Variants in BDP1 observed in about 807,000 individuals in gnomAD.
BDP1 encodes transcription factor TFIIIB component B'' homolog.
In BDP1, 169 loss-of-function variants were observed where a neutral mutation model predicts 266.6. The ratio of observed to expected loss-of-function variants is 0.63; its 90% CI spans 0.56 to 0.72. BDP1 has a LOEUF of 0.72. BDP1 is among the 30% of genes least tolerant of loss of function. The pLI, the probability that BDP1 is intolerant of heterozygous loss-of-function variation, is 0.00. For missense variants in BDP1, 3,015 were observed against 3,053.8 expected (o/e 0.99, Z 0.30); for synonymous variants, 1,090 against 1,022.4 (o/e 1.07, Z -1.26).
Position 71,564,161 on chromosome 5 carries a change from C to CTA in BDP1, c.7744-585_7744-584dup, listed in dbSNP as rs372722575. ...GGCACTTTTATCAGATGCTAAATTT[C>CTA]TATATATATTGGGGTTATTTCTAGT... On this transcript the variant is annotated intron_variant, in intron 38 of 38. Coordinates refer to ENST00000358731, the MANE Select transcript of BDP1 (RefSeq NM_018429.3). 2.4e-3 allele frequency among the ~76,000 whole-genome samples: 370 copies of CTA among 151,962 alleles called. 1 individual carries two copies. The highest frequency in any genetic ancestry group is 8.6e-3 in the African/African-American group (356 of 41,464).
At chr5:71,547,953 A>G (rs1742458701) in intron 32 of BDP1, among the ~76,000 whole-genome samples, 1 of 152,012 alleles carries the variant, frequency 6.6e-6, no homozygotes, top group African/African-American at 2.4e-5. Flanking sequence ...AGACTGTCTC[A>G]AAAAAATAAA....
chr5:71,556,990 C>T (rs965673571), intron 36 of BDP1, 65 bp downstream of exon 36: 14 of 842,026 alleles, frequency 1.7e-5, no homozygotes, highest in Non-Finnish European at 2.1e-5. Flanking sequence ...TGGGATATAC[C>T]TTGTTCAAAT....
chr5:71,501,146 C>T (rs374653407), intron 13 of BDP1, among the ~76,000 whole-genome samples: 12 of 151,868 alleles, frequency 7.9e-5, no homozygotes, highest in African/African-American at 2.4e-4. Flanking sequence ...TAGAAAATCT[C>T]CTCTAGTTAG....
At chr5:71,546,566 A>G (rs1471066168) in intron 32 of BDP1, among the ~76,000 whole-genome samples, 1 of 133,268 alleles carries the variant, frequency 7.5e-6, no homozygotes, top group Non-Finnish European at 1.6e-5. Flanking sequence ...TGCAGTGGCC[A>G]AAGATCGTGC....
intron 26 of BDP1, among the ~76,000 whole-genome samples, chr5:71,535,356 C>T (rs1052155385): frequency 3.3e-5 from 5 of 152,018 alleles, no homozygotes; most frequent in African/African-American, 4.8e-5. Context: ...AAGCGCCCGC[C>T]ACCACATCCA....
At chr5:71,519,573 T>C (rs1765394136) in intron 22 of BDP1, among the ~76,000 whole-genome samples, 1 of 152,256 alleles carries the variant, frequency 6.6e-6, no homozygotes, top group African/African-American at 2.4e-5. Flanking sequence ...TGTCTTTCTG[T>C]GCCTGGCTTA....
In BDP1 at chr5:71,510,910, CTGT is replaced by C. The variant is rs770375910; in HGVS notation, c.3824_3826del (p.Val1275del). The stretch of plus-strand genomic sequence containing the variant: ...ATGGAGAAAGTATCAGGAAAGATGG[CTGT>C]TGTTGAAGAAATGGAGGCAGATTTG... On this transcript the variant is annotated inframe_deletion, in exon 17 of 39. Transcript: ENST00000358731. 5.0e-6 allele frequency: 8 copies of C among 1,613,676 alleles called. No individual in the cohort carries two copies. Among genetic ancestry groups the C allele is most frequent in the South Asian group, 1.1e-5 (1 of 91,050 alleles).
At chr5:71,466,800 A>G (rs1761936610) in intron 5 of BDP1, among the ~76,000 whole-genome samples, 1 of 152,160 alleles carries the variant, frequency 6.6e-6, no homozygotes, top group Non-Finnish European at 1.5e-5. Context: ...AAGCAATGGA[A>G]GGTCTTTGAA....
At chr5:71,573,242 G>GAAAGA in the BDP1 span, among the ~76,000 whole-genome samples, 20 of 48,426 alleles carry the variant, frequency 4.1e-4, no homozygotes, top group Non-Finnish European at 9.2e-4. Flanking sequence ...AAAAAAAAAA[G>GAAAGA]AAAGAAAAGA....
chr5:71,518,645 G>A (rs1049354778), intron 22 of BDP1, among the ~76,000 whole-genome samples: 9 of 151,828 alleles, frequency 5.9e-5, no homozygotes, highest in African/African-American at 2.2e-4. Flanking sequence ...GTAGAGATGG[G>A]GTTTCACCAT....
At chr5:71,499,290 A>G (rs923105738) in intron 13 of BDP1, among the ~76,000 whole-genome samples, 2 of 152,016 alleles carry the variant, frequency 1.3e-5, no homozygotes, top group Non-Finnish European at 2.9e-5. Flanking sequence ...AGTAGAGACT[A>G]GGTTTCACCA....
At chr5:71,526,014 G>A (rs530381242) in intron 25 of BDP1, among the ~76,000 whole-genome samples, 8 of 151,486 alleles carry the variant, frequency 5.3e-5, no homozygotes, top group Non-Finnish European at 1.0e-4. Flanking sequence ...AGGCAGAGAC[G>A]CTCCTCACTT....
chr5:71,493,952 A>G (rs1763737694), intron 11 of BDP1, among the ~76,000 whole-genome samples: 1 of 152,250 alleles, frequency 6.6e-6, no homozygotes, highest in South Asian at 2.1e-4. Flanking sequence ...GACTACATGT[A>G]TAAAACAAAT....
At chr5:71,526,382 C>T (rs1162467567) in intron 25 of BDP1, among the ~76,000 whole-genome samples, 2 of 151,526 alleles carry the variant, frequency 1.3e-5, no homozygotes, top group Non-Finnish European at 2.9e-5. Context: ...TTTGGGAGGC[C>T]GAGGTGGGTG....
intron 10 of BDP1, among the ~76,000 whole-genome samples, chr5:71,490,443 A>G (rs1763520599): frequency 6.6e-6 from 1 of 152,192 alleles, no homozygotes; most frequent in Non-Finnish European, 1.5e-5. Context: ...TTAGAAATCA[A>G]ACAGACCTTG....
chr5:71,462,952 G>T (rs1333406292), intron 3 of BDP1, among the ~76,000 whole-genome samples: 3 of 151,924 alleles, frequency 2.0e-5, no homozygotes. Context: ...GGGCAATGTA[G>T]TGAGACCCCA....
intron 11 of BDP1, 61 bp downstream of exon 11, chr5:71,491,192 G>A: frequency 6.7e-7 from 1 of 1,491,926 alleles, no homozygotes; most frequent in Non-Finnish European, 9.3e-7. Context: ...AAGGAGTGTT[G>A]AAGTCTCCAT....
In BDP1 at chr5:71,538,959, C is replaced by T. The variant is rs375424648; in HGVS notation, c.5893-83C>T. 8.0e-6 allele frequency: 7 copies of T among 871,608 alleles called. No homozygotes were observed. In the African/African-American group the frequency reaches 1.2e-4, roughly 15 times the overall value. The allele number at this position is 871,608 out of a possible 1,614,324, so 54.0% of individuals were successfully genotyped here. A position where few individuals can be genotyped will look rare whatever the true frequency, so the allele number is the denominator to read the frequency against. ...TATTGTAGCTAAAAGTATGGAAAGA[C>T]CTCTGAAAATGTAGTGCATGCTGAG... On this transcript the variant is annotated intron_variant, in intron 26 of 38. Coordinates refer to ENST00000358731, the MANE Select transcript of BDP1 (RefSeq NM_018429.3).
rs1235645578 is a variant in BDP1, at chr5:71,539,584, C to T, written c.5957C>T (p.Ala1986Val). ...PGTNDGSTEA[A>V]ITLLTMGDLV... is the part of the protein sequence containing the mutation. ...ACCAATGATGGAAGCACCGAAGCTG[C>T]AATAACTTTACTTACAATGGGAGAT... is the stretch of plus-strand genomic sequence containing the variant. The change falls in exon 28 of 39, where the codon GCA becomes GTA. Residue 1986 changes from alanine (A) to valine (V), a missense_variant. Around this residue, in one of 3 missense-constraint regions of BDP1, gnomAD observed 2,383 missense variants for 2,404.9 expected, o/e 0.99. Transcript: ENST00000358731. 1.9e-6 allele frequency: 3 copies of T among 1,610,810 alleles called. No homozygotes were observed. Among genetic ancestry groups the T allele is most frequent in the East Asian group, 4.5e-5 (2 of 44,716 alleles).
Sources: gnomAD v4.1 joint callset for allele counts (sites outside exome capture counted in the v4.1 genomes callset) on GRCh38, gnomAD v4.1.1 for gene constraint, gnomAD v4.1.1 regional missense constraint, MANE v1.5 for transcripts, NCBI Gene and HGNC (gene_info 2026-07-23, HGNC 2026-07-21) for gene names.